USP40: variants seen among roughly 807,000 people sequenced by gnomAD.
USP40 encodes the protein ubiquitin carboxyl-terminal hydrolase 40.
A neutral mutation model predicts 166.2 loss-of-function variants in USP40; 143 were observed. That is an observed-to-expected ratio of 0.86 (90% CI 0.75 to 0.99). The LOEUF (loss-of-function observed/expected upper bound fraction) is 0.99, where lower values mean the gene tolerates loss of function less well. Ranked by LOEUF, USP40 falls within the 50% of genes least tolerant of loss-of-function variation. USP40 has a pLI of 0.00. For missense variants in USP40, 1,444 were observed against 1,479.7 expected (o/e 0.98, Z 0.40); for synonymous variants, 498 against 524.0 (o/e 0.95, Z 0.68).
chr2:233,554,377 T>C lies in USP40; in HGVS notation c.693+3A>G. On this transcript the variant is annotated splice_donor_region_variant and intron_variant, in intron 6 of 31. Coordinates refer to ENST00000678225, the MANE Select transcript of USP40 (RefSeq NM_001365479.2). ...CTGGGAAAAAGCAGTTATCTGTCTT[T>C]ACCTTTGCTGCTTTAACCAGCCTGT... The C allele has an allele frequency of 6.2e-7, 1 of 1,608,030 alleles. No individual in the cohort carries two copies. Among genetic ancestry groups the C allele is most frequent in the Non-Finnish European group, 8.5e-7 (1 of 1,177,904 alleles).
At chr2:233,520,853 A>G (rs2067603051) in intron 17 of USP40, 138 bp downstream of exon 17, 1 of 904,742 alleles carries the variant, frequency 1.1e-6, no homozygotes, top group Admixed American at 3.1e-5. Context: ...GCAATAATCA[A>G]ATGTTAAATA....
intron 1 of USP40, among the ~76,000 whole-genome samples, 196 bp from the exon 2 acceptor site, chr2:233,565,769 C>T (rs2072087039): frequency 6.6e-6 from 1 of 151,998 alleles, no homozygotes; most frequent in Admixed American, 6.6e-5. Context: ...ACCTGTGTGA[C>T]CCTGGATATG....
intron 3 of USP40, 45 bp downstream of exon 3, chr2:233,562,691 T>G: frequency 7.3e-7 from 1 of 1,364,636 alleles, no homozygotes; most frequent in Non-Finnish European, 9.7e-7. Context: ...ATTGTGCACA[T>G]GTACCCTAAA....
chr2:233,534,476 A>G (rs187404563), intron 10 of USP40, among the ~76,000 whole-genome samples: 3 of 152,150 alleles, frequency 2.0e-5, no homozygotes, highest in Non-Finnish European at 4.4e-5. Context: ...TATATAGAAA[A>G]TTACTTGGGA....
At chr2:233,518,713 C>T (rs1362655910) in intron 18 of USP40, among the ~76,000 whole-genome samples, 2 of 151,762 alleles carry the variant, frequency 1.3e-5, no homozygotes, top group Non-Finnish European at 2.9e-5. Flanking sequence ...TAAAGTTAAA[C>T]ATAAATTTGC....
chr2:233,511,062 A>G (rs577155531), intron 20 of USP40, among the ~76,000 whole-genome samples: 1 of 152,314 alleles, frequency 6.6e-6, no homozygotes, highest in South Asian at 2.1e-4. Flanking sequence ...AACCATGGGC[A>G]ACCTGATTTG....
chr2:233,538,157 CAA>C (rs1191503365), intron 10 of USP40, among the ~76,000 whole-genome samples: 1 of 151,116 alleles, frequency 6.6e-6, no homozygotes, highest in Non-Finnish European at 1.5e-5. Context: ...AAAAAGCCAA[CAA>C]AAGAGCTAAA....
chr2:233,500,005 A>C, intron 21 of USP40, 90 bp from the exon 22 acceptor site: 1 of 1,018,878 alleles, frequency 9.8e-7, no homozygotes, highest in Non-Finnish European at 1.5e-6. Context: ...AGGCCTATTT[A>C]AGTCTGACTA....
chr2:233,503,116 C>A (rs2066189194), intron 21 of USP40, among the ~76,000 whole-genome samples: 1 of 151,956 alleles, frequency 6.6e-6, no homozygotes, highest in Non-Finnish European at 1.5e-5. Context: ...ACAGACAATC[C>A]AAAATTCAAC....
chr2:233,486,075 TG>T lies in USP40; in HGVS notation c.3198-99del. 5.9e-6 allele frequency: 8 copies of T among 1,353,246 alleles called. No homozygotes were observed. Among genetic ancestry groups the T allele is most frequent in the Non-Finnish European group, 7.9e-6 (8 of 1,008,074 alleles). The allele number at this position is 1,353,246 out of a possible 1,614,324, so 83.8% of individuals were successfully genotyped here. On this transcript the variant is annotated intron_variant, in intron 28 of 31. Transcript: ENST00000678225. This position sits in a 1 kb window ranked among gnomAD's most constrained non-coding sequence, Gnocchi z 4.0. ...GGCAAAGCTTCTCCTCCAGCTTTTC[TG>T]GTTTTTATAAGGAGAGATTTTTCCC...
In USP40 at chr2:233,542,584, G is replaced by T; in HGVS notation, c.967-221C>A. On this transcript the variant is annotated intron_variant, in intron 8 of 31. Coordinates refer to ENST00000678225, the MANE Select transcript of USP40 (RefSeq NM_001365479.2). ...AAAAAATTAGCCAGGAGGTTGAGGCGGGAGGACTGCTTGAGCCCAGGAGGT... is the reference window on the plus strand; with the variant it reads ...AAAAAATTAGCCAGGAGGTTGAGGCTGGAGGACTGCTTGAGCCCAGGAGGT... 2 of 389,918 alleles carry T rather than the reference G, an allele frequency of 5.1e-6. 1 individual carries two copies. Among genetic ancestry groups the T allele is most frequent in the South Asian group, 8.0e-5 (2 of 24,950 alleles). The allele number at this position is 389,918 out of a possible 1,614,324, so 24.2% of individuals were successfully genotyped here.
At chr2:233,500,458 T>C (rs1245984276) in intron 21 of USP40, among the ~76,000 whole-genome samples, 6 of 152,268 alleles carry the variant, frequency 3.9e-5, no homozygotes, top group Admixed American at 2.0e-4. Flanking sequence ...AAAACAAAAA[T>C]AGTAATTAAA....
chr2:233,507,841 G>A (rs1451125059), intron 21 of USP40, among the ~76,000 whole-genome samples: 1 of 152,030 alleles, frequency 6.6e-6, no homozygotes, highest in Non-Finnish European at 1.5e-5. Context: ...GCTCTTGAAT[G>A]TTCTCACCAC....
rs770300560 is a variant in USP40 at position 233,493,372 on chromosome 2, A to C, written c.2917+53T>G. 9.9e-6 allele frequency: 16 copies of C among 1,613,018 alleles called. No individual in the cohort carries two copies. Among genetic ancestry groups the C allele is most frequent in the South Asian group, 2.2e-5 (2 of 90,986 alleles). Reference sequence around the variant, plus strand: ...ATTGACTCTCAGAGCACAGGCAGTCAATTTACTTCTCTTTATGATGCACTG... The same window carrying C: ...ATTGACTCTCAGAGCACAGGCAGTCCATTTACTTCTCTTTATGATGCACTG... On this transcript the variant is annotated intron_variant, in intron 25 of 31. Coordinates refer to ENST00000678225, the MANE Select transcript of USP40 (RefSeq NM_001365479.2). The surrounding 1 kb of genome is among the most constrained non-coding windows in gnomAD (Gnocchi z 4.7).
At chr2:233,542,639 C>T (rs1360748998) in intron 8 of USP40, 17 of 286,748 alleles carry the variant, frequency 5.9e-5, no homozygotes, top group Non-Finnish European at 7.1e-5. Context: ...GATTGCGCCA[C>T]TGCACTCCAG....
chr2:233,554,512 A>G lies in USP40; in HGVS notation c.561T>C (p.Asp187=). The G allele has an allele frequency of 1.2e-6, 2 of 1,606,946 alleles. No homozygotes were observed. The highest frequency in any genetic ancestry group is 1.7e-6 in the Non-Finnish European group (2 of 1,177,816). Reference sequence around the variant, plus strand: ...ATACATTTTTGACTGCTACTGTTAGATCTAAGAAGTCTTCCTGAAATAGAC... The same window carrying G: ...ATACATTTTTGACTGCTACTGTTAGGTCTAAGAAGTCTTCCTGAAATAGAC... ...NVSERQEDFL[D]LTVAVKNVSG... is the part of the protein sequence containing the mutation. Residue 187 remains aspartate (D), a synonymous_variant, in exon 6 of 32, where the codon GAT becomes GAC. Coordinates refer to ENST00000678225, the MANE Select transcript of USP40 (RefSeq NM_001365479.2).
chr2:233,517,387 T>TTTTTTC (rs2067282979), intron 18 of USP40, among the ~76,000 whole-genome samples: 1 of 103,270 alleles, frequency 9.7e-6, no homozygotes. Flanking sequence ...TGGTTTTTTG[T>TTTTTTC]TTTTTTTTTT....
rs77550906 is a variant in USP40, at chr2:233,566,651, C to T, written c.-20+33G>A. 1,918 of 979,614 alleles carry T rather than the reference C, an allele frequency of 2.0e-3. 36 individuals are homozygous for T. The East Asian group carries it at 0.083, about 42-fold the overall frequency. The allele number at this position is 979,614 out of a possible 1,614,324, so 60.7% of individuals were successfully genotyped here. A position where few individuals can be genotyped will look rare whatever the true frequency, so the allele number is the denominator to read the frequency against. ...CACTGTCCCTACGCTTCCCACGTCC[C>T]TCCCAGGATCCCCGGGCGCCAGCCG... On this transcript the variant is annotated intron_variant, in intron 1 of 31. Transcript: ENST00000678225.
At chr2:233,499,941 T>C (rs2065966925) in intron 21 of USP40, 26 bp from the exon 22 acceptor site, 1 of 1,607,192 alleles carries the variant, frequency 6.2e-7, no homozygotes, top group Non-Finnish European at 8.5e-7. Flanking sequence ...ATGTCCAATG[T>C]TAGTTTTCTG....
Sources: allele counts gnomAD v4.1 joint callset (sites outside exome capture counted in the v4.1 genomes callset), GRCh38; gene constraint gnomAD v4.1.1; non-coding constraint Gnocchi (gnomAD v3.1); transcripts MANE v1.5; gene names NCBI Gene and HGNC (gene_info 2026-07-23, HGNC 2026-07-21).